SELENOP: variants seen among roughly 807,000 people sequenced by gnomAD.
SELENOP encodes the protein selenoprotein P, plasma, 1.
In SELENOP, 36 loss-of-function variants were observed where a neutral mutation model predicts 41.0. The observed-to-expected ratio is 0.88, with a 90% CI of 0.67 to 1.16. The LOEUF (loss-of-function observed/expected upper bound fraction) is 1.16, where lower values mean the gene tolerates loss of function less well. Among genes scored for constraint, SELENOP ranks in the 50% most tolerant of loss-of-function variants. The pLI is 0.00. For synonymous variants in SELENOP, 144 were observed against 150.8 expected (o/e 0.95, Z 0.33); for missense variants, 440 against 454.2 (o/e 0.97, Z 0.28).
At chr5:42,808,022 G>A (rs1015658452) in intron 2 of SELENOP, 129 bp downstream of exon 2, 7 of 429,094 alleles carry the variant, frequency 1.6e-5, no homozygotes, top group Non-Finnish European at 2.0e-5. Context: ...TATGTTCTAT[G>A]CAAACACATA....
At chr5:42,801,353 CT>C (rs745733446) in intron 4 of SELENOP, 22 bp from the exon 5 acceptor site, 3 of 1,553,862 alleles carry the variant, frequency 1.9e-6, no homozygotes, top group South Asian at 2.4e-5. Context: ...TTATAAATCA[CT>C]TTTTAACAAG....
intron 4 of SELENOP, among the ~76,000 whole-genome samples, chr5:42,804,066 T>C (rs1384135420): frequency 6.6e-6 from 1 of 152,242 alleles, no homozygotes; most frequent in Non-Finnish European, 1.5e-5. Context: ...CTTATGCCCA[T>C]GCAACGTCAT....
chr5:42,807,203 C>G (rs1196694707), intron 2 of SELENOP, 95 bp from the exon 3 acceptor site: 11 of 631,248 alleles, frequency 1.7e-5, no homozygotes, highest in Non-Finnish European at 2.8e-5. Context: ...ATGTGAAACT[C>G]TCCTTCTTAT....
rs1422356001 is a variant in SELENOP at position 42,807,021 on chromosome 5, T to G, written c.291A>C (p.Arg97=). The change falls in exon 3 of 5, where the codon CGA becomes CGC. Residue 97 remains arginine, a synonymous_variant. Transcript: ENST00000514985. ...TATTCTTAAGATGTGTGTATTTTAA[T>G]CGAGAAGAGATTCCTTGATGATTAA... ...IVVNHQGISS[R]LKYTHLKNKV... 1 of 1,588,158 alleles carries G rather than the reference T, an allele frequency of 6.3e-7. No individual in the cohort carries two copies. Among genetic ancestry groups the G allele is most frequent in the Admixed American group, 1.7e-5 (1 of 59,930 alleles).
At chr5:42,807,260 A>AT (rs1029156934) in intron 2 of SELENOP, 152 bp from the exon 3 acceptor site, 19 of 454,022 alleles carry the variant, frequency 4.2e-5, no homozygotes, top group African/African-American at 3.1e-4. Flanking sequence ...GCTGTAAAAG[A>AT]TTTTAAAACT....
chr5:42,800,967 C>T lies in SELENOP; in HGVS notation c.899G>A (p.Sec300Ter). 6.2e-7 allele frequency: 1 copy of T among 1,614,224 alleles called. No individual in the cohort carries two copies. Among genetic ancestry groups the T allele is most frequent in the Non-Finnish European group, 8.5e-7 (1 of 1,180,032 alleles). Residue 300 changes from selenocysteine (U) to a stop codon, truncating the protein, a stop_gained, in exon 5 of 5, where the codon TGA becomes TAA. Coordinates refer to ENST00000514985, the MANE Select transcript of SELENOP (RefSeq NM_005410.4). LOFTEE classifies it high-confidence loss of function. ...TATCAGATGTCGACAATGGCAGCAT[C>T]AGCTCCTAGGAGCCAACTCTGAATC... ...PTDSELAPRS[U>*]CCHCRHLIFE...
chr5:42,809,598 A>C (rs1051915083), intron 1 of SELENOP, among the ~76,000 whole-genome samples: 9 of 152,176 alleles, frequency 5.9e-5, no homozygotes, highest in African/African-American at 2.2e-4. Context: ...ATTTCTTTGG[A>C]GGTGGGGAGC....
intron 1 of SELENOP, chr5:42,810,773 A>G (rs2111655293): frequency 9.1e-7 from 1 of 1,104,802 alleles, no homozygotes; most frequent in Non-Finnish European, 1.1e-6. Flanking sequence ...CACATATTGC[A>G]AGTAGCTGAA....
intron 1 of SELENOP, among the ~76,000 whole-genome samples, chr5:42,809,323 T>G (rs1465221048): frequency 6.6e-6 from 1 of 152,168 alleles, no homozygotes; most frequent in African/African-American, 2.4e-5. Context: ...AGCAACGAAA[T>G]TAAAATGCTT....
At chr5:42,801,368 A>G (rs770845959) in intron 4 of SELENOP, 37 bp from the exon 5 acceptor site, 2 of 1,470,082 alleles carry the variant, frequency 1.4e-6, no homozygotes, top group East Asian at 2.3e-5. Context: ...TAACAAGCTT[A>G]TAGAGATAGG....
Position 42,808,231 on chromosome 5 carries a change from T to G in SELENOP, c.123A>C (p.Pro41=), listed in dbSNP as rs369014641. ...TCACTGAACCATTGGAGTTTAGCAT[T>G]GGATCTTGATCTCTTATGCTCCAGG... ...PPAWSIRDQD[P]MLNSNGSVTV... The change falls in exon 2 of 5, where the codon CCA becomes CCC. Residue 41 remains proline, a synonymous_variant. Transcript: ENST00000514985. 33 of 1,584,270 alleles carry G rather than the reference T, an allele frequency of 2.1e-5. No homozygotes were observed. The highest frequency in any genetic ancestry group is 2.8e-5 in the Non-Finnish European group (33 of 1,165,512).
At chr5:42,809,722 A>AT (rs1395967278) in intron 1 of SELENOP, 1 of 766,902 alleles carries the variant, frequency 1.3e-6, no homozygotes, top group Non-Finnish European at 1.6e-6. Flanking sequence ...TTTAACCCTG[A>AT]TTGTCTTTCA....
In SELENOP at chr5:42,804,263, C is replaced by T. The variant is rs920936049; in HGVS notation, c.534+393G>A. Among the ~76,000 whole-genome samples the T allele has an allele frequency of 2.4e-4, 36 of 152,200 alleles. 1 individual carries two copies. Among genetic ancestry groups the T allele is most frequent in the African/African-American group, 8.2e-4 (34 of 41,438 alleles). ...TATCACAAGGGCTGGAGATCGAGAC[C>T]ATCCTGGCTAACACAGTGAAACCCC... On this transcript the variant is annotated intron_variant, in intron 4 of 4. Transcript: ENST00000514985.
At chr5:42,805,056 C>T in intron 3 of SELENOP, 1 of 199,556 alleles carries the variant, frequency 5.0e-6, no homozygotes, top group Non-Finnish European at 1.0e-5. Flanking sequence ...TGGTAAAATA[C>T]AATTTTGTGA....
chr5:42,808,910 ACT>A (rs1760399540), intron 1 of SELENOP, among the ~76,000 whole-genome samples: 1 of 142,002 alleles, frequency 7.0e-6, no homozygotes, highest in Non-Finnish European at 1.5e-5. Context: ...ACAGAACGAG[ACT>A]CTGTCTCAAA....
At chr5:42,802,857 C>G (rs1760242931) in intron 4 of SELENOP, among the ~76,000 whole-genome samples, 1 of 152,218 alleles carries the variant, frequency 6.6e-6, no homozygotes. Context: ...GATTCATCCA[C>G]CTCGGCCTCC....
chr5:42,804,837 C>G lies in SELENOP; in HGVS notation c.417-64G>C. ...TCTGTATCACGATCCTACTCAAATACAGTCTGGGATAGGTATTATAGGTTT... is the reference window on the plus strand; with the variant it reads ...TCTGTATCACGATCCTACTCAAATAGAGTCTGGGATAGGTATTATAGGTTT... On this transcript the variant is annotated intron_variant, in intron 3 of 4. Transcript: ENST00000514985. 3 of 1,065,220 alleles carry G rather than the reference C, an allele frequency of 2.8e-6. No individual in the cohort carries two copies. The Admixed American group carries it at 5.6e-5, about 20-fold the overall frequency. The allele number at this position is 1,065,220 out of a possible 1,614,324, so 66.0% of individuals were successfully genotyped here.
rs764971326 is a variant in SELENOP, at chr5:42,801,034, G to A, written c.832C>T (p.Arg278Ter). ...AGTAATTGATTTATACATCTCTTTC[G>A]ACAGAGCTTCTTTTGTAAATCTTGT... ...DLQDLQKKLC[R>*]KRCINQLLCK... The change falls in exon 5 of 5, where the codon CGA becomes TGA. Residue 278 changes from arginine (R) to a stop codon, truncating the protein, a stop_gained. Transcript: ENST00000514985. LOFTEE classifies it high-confidence loss of function. 2.0e-5 allele frequency: 32 copies of A among 1,614,010 alleles called. No homozygotes were observed. The Admixed American group carries it at 3.3e-4, about 17-fold the overall frequency.
Position 42,800,598 on chromosome 5 carries a change from A to T in SELENOP, c.*122T>A. 1 of 1,219,640 alleles carries T rather than the reference A, an allele frequency of 8.2e-7. No homozygotes were observed. The allele number at this position is 1,219,640 out of a possible 1,614,324, so 75.6% of individuals were successfully genotyped here. On this transcript the variant is annotated 3_prime_UTR_variant, in exon 5 of 5. Transcript: ENST00000514985. The stretch of plus-strand genomic sequence containing the variant: ...TAAAATCTGGAAGCCAATTCAGTAG[A>T]TTTCTCCATGTTTGCACAAATCTAA...
Sources: allele counts gnomAD v4.1 joint callset (sites outside exome capture counted in the v4.1 genomes callset), GRCh38; gene constraint gnomAD v4.1.1; transcripts MANE v1.5; gene names NCBI Gene and HGNC (gene_info 2026-07-23, HGNC 2026-07-21).